NUDT16L1: variants seen among roughly 807,000 people sequenced by gnomAD.
NUDT16L1 encodes tudor-interacting repair regulator protein.
NUDT16L1 carries 19 observed loss-of-function variants against 17.3 expected under a neutral mutation model. The ratio of observed to expected loss-of-function variants is 1.10; its 90% CI spans 0.77 to 1.61. NUDT16L1 has a LOEUF of 1.61. Among genes scored for constraint, NUDT16L1 ranks in the 40% most tolerant of loss-of-function variants. The pLI is 0.00. For missense variants in NUDT16L1, 341 were observed against 292.0 expected, an observed-to-expected ratio of 1.17 and a Z score of -1.22; for synonymous variants, 255 against 138.6, an observed-to-expected ratio of 1.84 and a Z score of -5.90.
chr16:4,694,323 G>T (rs1285509463), intron 2 of NUDT16L1, 85 bp downstream of exon 2: 1 of 1,491,464 alleles, frequency 6.7e-7, no homozygotes, highest in Non-Finnish European at 8.9e-7. Context: ...CACGTCTCCT[G>T]AGGGTCCCCT....
In NUDT16L1 at chr16:4,694,256, G is replaced by A; in HGVS notation, c.414+18G>A. ...GCCTGGAGGTGGGGCCGCCGCCCGG[G>A]CCCCGCCCCCCGCCCCGGGGTTTGG... On this transcript the variant is annotated intron_variant, in intron 2 of 2. Coordinates refer to ENST00000304301, the Ensembl canonical transcript of NUDT16L1. 1.4e-6 allele frequency: 2 copies of A among 1,461,404 alleles called. No homozygotes were observed. Among genetic ancestry groups the A allele is most frequent in the South Asian group, 1.4e-5 (1 of 72,918 alleles). 90.5% of individuals were successfully genotyped at this position (1,461,404 alleles called of 1,614,324 possible). A position where few individuals can be genotyped will look rare whatever the true frequency, so the allele number is the denominator to read the frequency against.
chr16:4,694,262 C>G, intron 2 of NUDT16L1, 24 bp downstream of exon 2: 1 of 1,457,864 alleles, frequency 6.9e-7, no homozygotes, highest in Non-Finnish European at 9.0e-7. Context: ...CCGGGCCCCG[C>G]CCCCCGCCCC....
intron 2 of NUDT16L1, chr16:4,694,572 C>G (rs1009814843): frequency 6.9e-7 from 1 of 1,443,850 alleles, no homozygotes; most frequent in Admixed American, 2.7e-5. Flanking sequence ...AACTTGAGCA[C>G]AGCGGGGGTT....
chr16:4,694,431 GC>G (rs1312588332), intron 2 of NUDT16L1, 193 bp downstream of exon 2: 1 of 1,143,042 alleles, frequency 8.7e-7, no homozygotes, highest in South Asian at 1.4e-5. Context: ...GTGGGGGCCG[GC>G]GCTGGGGCTC....
At chr16:4,694,739 G>T in intron 2 of NUDT16L1, 1 of 1,426,106 alleles carries the variant, frequency 7.0e-7, no homozygotes, top group Non-Finnish European at 9.1e-7. Context: ...ACGAGGGGGG[G>T]GAGTGCATGG....
rs763000103 is a variant in NUDT16L1 at position 4,694,955 on chromosome 16, C to T, written c.415-3C>T. 5 of 1,605,960 alleles carry T rather than the reference C, an allele frequency of 3.1e-6. No homozygotes were observed. Among genetic ancestry groups the T allele is most frequent in the South Asian group, 1.1e-5 (1 of 90,562 alleles). Reference sequence around the variant, plus strand: ...CCCCAACCCCTACCTCCTGTCTGCGCAGGTGCTGGGCCTCGTGCGGGTCCC... The same window carrying T: ...CCCCAACCCCTACCTCCTGTCTGCGTAGGTGCTGGGCCTCGTGCGGGTCCC... On this transcript the variant is annotated splice_polypyrimidine_tract_variant and splice_region_variant and intron_variant, in intron 2 of 2. Coordinates refer to ENST00000304301, the Ensembl canonical transcript of NUDT16L1.
At chr16:4,693,934 G>T in intron 1 of NUDT16L1, 44 bp from the exon 2 acceptor site, 1 of 1,505,892 alleles carries the variant, frequency 6.6e-7, no homozygotes. Flanking sequence ...GCCCGGGCGG[G>T]GGCGTCCGTC....
intron 2 of NUDT16L1, 120 bp from the exon 3 acceptor site, chr16:4,694,838 C>T (rs1314228093): frequency 6.1e-6 from 9 of 1,469,334 alleles, no homozygotes; most frequent in African/African-American, 1.4e-5. Flanking sequence ...GTGGGTCTCC[C>T]ATTAAGTCCT....
chr16:4,695,095 C>T (rs558903557), exon 3 of NUDT16L1: 18 of 1,613,566 alleles, frequency 1.1e-5, no homozygotes, highest in East Asian at 1.1e-4. Flanking sequence ...ACATGATGCC[C>T]GAGGAGAAGC....
chr16:4,694,641 C>T (rs1388212853), intron 2 of NUDT16L1: 3 of 1,411,264 alleles, frequency 2.1e-6, no homozygotes, highest in Non-Finnish European at 2.8e-6. Context: ...ACTTTGTGGT[C>T]TGGAAGGGCT....
At chr16:4,693,767 G>C (rs1325656547) in exon 1 of NUDT16L1, 2 of 1,563,656 alleles carry the variant, frequency 1.3e-6, no homozygotes, top group Non-Finnish European at 1.7e-6. Flanking sequence ...CAGATCAGCC[G>C]GGTGGAGGCG....
chr16:4,693,926 C>A (rs1253625688), intron 1 of NUDT16L1, 47 bp downstream of exon 1: 1 of 1,496,944 alleles, frequency 6.7e-7, no homozygotes, highest in African/African-American at 1.5e-5. Context: ...GCGGGCGGGC[C>A]CGGGCGGGGG....
intron 2 of NUDT16L1, chr16:4,694,464 G>A (rs758779340): frequency 2.3e-5 from 35 of 1,524,028 alleles, no homozygotes; most frequent in Non-Finnish European, 3.1e-5. Context: ...TGTTACATCC[G>A]CCTTGCTGCC....
At chr16:4,694,572 C>T (rs1009814843) in intron 2 of NUDT16L1, 101 of 1,443,740 alleles carry the variant, frequency 7.0e-5, no homozygotes, top group Non-Finnish European at 9.0e-5. Flanking sequence ...AACTTGAGCA[C>T]AGCGGGGGTT....
chr16:4,694,522 A>G, intron 2 of NUDT16L1: 5 of 1,174,272 alleles, frequency 4.3e-6, no homozygotes, highest in African/African-American at 1.7e-5. Flanking sequence ...GTGGGGAGGA[A>G]GGGATGGGGG....
At chr16:4,695,056 C>T in exon 3 of NUDT16L1, 2 of 1,613,526 alleles carry the variant, frequency 1.2e-6, no homozygotes, top group Non-Finnish European at 1.7e-6. Context: ...CGGCTAAGTG[C>T]CAGCTCCTCT....
At chr16:4,694,058 G>C in exon 2 of NUDT16L1, 2 of 1,588,080 alleles carry the variant, frequency 1.3e-6, no homozygotes, top group Admixed American at 1.7e-5. Context: ...AGGACGGCCT[G>C]AACCGGGTGC....
At chr16:4,694,025 G>T in exon 2 of NUDT16L1, 1 of 1,584,628 alleles carries the variant, frequency 6.3e-7, no homozygotes. Context: ...GGGGCTTCGT[G>T]GACCGGCGCT....
exon 2 of NUDT16L1, chr16:4,694,161 T>C: frequency 6.3e-7 from 1 of 1,585,224 alleles, no homozygotes; most frequent in South Asian, 1.1e-5. Context: ...GGCGCACCTG[T>C]ACGCGCGGCA....
Sources: gnomAD v4.1 joint callset for allele counts on GRCh38, gnomAD v4.1.1 for gene constraint, MANE v1.5 for transcripts, NCBI Gene and HGNC (gene_info 2026-07-23, HGNC 2026-07-21) for gene names.